Variants in PRKN observed in about 807,000 individuals in gnomAD.
PRKN encodes the protein parkin RBR E3 ubiquitin protein ligase.
PRKN carries 56 observed loss-of-function variants against 59.5 expected under a neutral mutation model. That is an observed-to-expected ratio of 0.94 (90% CI 0.76 to 1.18). PRKN has a LOEUF of 1.18. PRKN is among the 50% of genes most tolerant of loss of function. The pLI is 0.00. For synonymous variants in PRKN, 250 were observed against 222.1 expected, an observed-to-expected ratio of 1.13 and a Z score of -1.12; for missense variants, 657 against 596.4, an observed-to-expected ratio of 1.10 and a Z score of -1.06.
At chr6:162,273,171 G>A (rs1475071279) in intron 2 of PRKN, among the ~76,000 whole-genome samples, 2 of 152,052 alleles carry the variant, frequency 1.3e-5, no homozygotes, top group African/African-American at 4.8e-5. Flanking sequence ...AAAAGTAGCT[G>A]TTTTTGTAAA....
rs1779776724 is a variant in PRKN at position 161,545,852 on chromosome 6, AATAGTCACC to A, written c.1083+2993_1083+3001del. On this transcript the variant is annotated intron_variant, in intron 9 of 11. Coordinates refer to ENST00000366898, the MANE Select transcript of PRKN (RefSeq NM_004562.3). The surrounding 1 kb of genome is among the most constrained non-coding windows in gnomAD (Gnocchi z 4.1). ...GTGCCTGGTACTCAGATCAGACTTG[AATAGTCACC>A]ATGGTTCCTTGTGGAAAAGTCTGTT... Among the ~76,000 whole-genome samples, 1 of 152,238 alleles carries A rather than the reference AATAGTCACC, an allele frequency of 6.6e-6. No homozygotes were observed. Among genetic ancestry groups the A allele is most frequent in the South Asian group, 2.1e-4 (1 of 4,832 alleles).
chr6:161,903,068 C>G (rs1390789301), intron 6 of PRKN, among the ~76,000 whole-genome samples: 1 of 152,182 alleles, frequency 6.6e-6, no homozygotes. Context: ...GGGAACTGTT[C>G]ATCGCTATTG....
Position 161,559,178 on chromosome 6 carries a change from A to G in PRKN, c.934-10175T>C, listed in dbSNP as rs1260143422. Among the ~76,000 whole-genome samples, 10 of 151,336 alleles carry G rather than the reference A, an allele frequency of 6.6e-5. No homozygotes were observed. In the East Asian group the frequency reaches 1.6e-3, roughly 24 times the overall value. On this transcript the variant is annotated intron_variant, in intron 8 of 11. Transcript: ENST00000366898. ...GTGACCCAATGCCAAAAAGCATCTC[A>G]TCTTCTAGTAGTTGTGGAATCTTCT...
rs377723623 is a variant in PRKN, at chr6:162,266,131, T to G, written c.172-3366A>C. ...TTAGCACCCTAGCCTATCTTGAGGT[T>G]TCTATCCACATTTTTTCCCTACCTT... On this transcript the variant is annotated intron_variant, in intron 2 of 11. Coordinates refer to ENST00000366898, the MANE Select transcript of PRKN (RefSeq NM_004562.3). 6.6e-4 allele frequency among the ~76,000 whole-genome samples: 101 copies of G among 152,266 alleles called. 2 individuals carry two copies. The South Asian group carries it at 0.019, about 29-fold the overall frequency.
intron 1 of PRKN, among the ~76,000 whole-genome samples, chr6:162,584,809 TCCC>T (rs1562409064): frequency 1.0e-3 from 5 of 4,806 alleles, no homozygotes; most frequent in South Asian, 0.014. Context: ...TCCCCTCCCC[TCCC>T]CTCCCCTCCC....
At chr6:162,389,827 T>G (rs1311185662) in intron 2 of PRKN, among the ~76,000 whole-genome samples, 1 of 152,096 alleles carries the variant, frequency 6.6e-6, no homozygotes, top group Admixed American at 6.6e-5. Context: ...TAAACAAACT[T>G]CCTAATTTTC....
chr6:162,003,294 G>C (rs1183184768), intron 5 of PRKN, among the ~76,000 whole-genome samples: 1 of 151,814 alleles, frequency 6.6e-6, no homozygotes, highest in African/African-American at 2.4e-5. Context: ...CTCCTGGATG[G>C]CAGCAGGACA....
chr6:162,655,711 A>G (rs1010110171), intron 1 of PRKN, among the ~76,000 whole-genome samples: 2 of 152,158 alleles, frequency 1.3e-5, no homozygotes, highest in Non-Finnish European at 2.9e-5. Flanking sequence ...ATATACAGAA[A>G]ATGAGAGCCA....
At position 162,198,901 on chromosome 6, in the gene PRKN, G is replaced by A. The variant is rs534531306; in HGVS notation, c.534+2230C>T. Among the ~76,000 whole-genome samples, 4 of 152,284 alleles carry A rather than the reference G, an allele frequency of 2.6e-5. No homozygotes were observed. The South Asian group carries it at 8.3e-4, about 32-fold the overall frequency. ...TTTGGCTTGTTATGTTTAGGCCAAT[G>A]CTACAGGTTGGTTTTCTTTCTGTTT... On this transcript the variant is annotated intron_variant, in intron 4 of 11. Coordinates refer to ENST00000366898, the MANE Select transcript of PRKN (RefSeq NM_004562.3).
At chr6:161,703,308 AAAAC>A (rs893846232) in intron 7 of PRKN, among the ~76,000 whole-genome samples, 15 of 152,326 alleles carry the variant, frequency 9.8e-5, no homozygotes, top group African/African-American at 3.6e-4. Flanking sequence ...TAACAAACAA[AAAAC>A]AAACAAAGGA....
At chr6:162,466,079 A>T (rs1791400692) in intron 1 of PRKN, among the ~76,000 whole-genome samples, 1 of 152,210 alleles carries the variant, frequency 6.6e-6, no homozygotes. Context: ...TTTTATGTTT[A>T]TAACAGAAGT....
chr6:161,642,212 A>G (rs1462727939), intron 7 of PRKN, among the ~76,000 whole-genome samples: 1 of 152,222 alleles, frequency 6.6e-6, no homozygotes, highest in Non-Finnish European at 1.5e-5. Context: ...TAGTATTTCC[A>G]TCTATCAGGG....
intron 7 of PRKN, among the ~76,000 whole-genome samples, chr6:161,608,650 A>C (rs535081222): frequency 3.3e-5 from 5 of 151,968 alleles, no homozygotes; most frequent in Admixed American, 1.3e-4. Flanking sequence ...CTCCTGCCTC[A>C]GCCTCCAGCG....
rs182400868 is a variant in PRKN, at chr6:162,618,916, C to A, written c.7+108746G>T. 3.3e-5 allele frequency among the ~76,000 whole-genome samples: 5 copies of A among 152,302 alleles called. No homozygotes were observed. The East Asian group carries it at 9.7e-4, about 29-fold the overall frequency. Reference sequence around the variant, plus strand: ...TCTCTCAGGGCATCAGAGTAAGGAACAGCTGGATGACTCCAACTTCTTAAA... The same window carrying A: ...TCTCTCAGGGCATCAGAGTAAGGAAAAGCTGGATGACTCCAACTTCTTAAA... On this transcript the variant is annotated intron_variant, in intron 1 of 11. Transcript: ENST00000366898.
chr6:161,923,191 C>T (rs1778846191), intron 6 of PRKN, among the ~76,000 whole-genome samples: 1 of 152,184 alleles, frequency 6.6e-6, no homozygotes, highest in African/African-American at 2.4e-5. Context: ...AAAGTAGATT[C>T]TGCAGTTGGG....
At chr6:161,665,460 A>T (rs1784692860) in intron 7 of PRKN, among the ~76,000 whole-genome samples, 1 of 152,148 alleles carries the variant, frequency 6.6e-6, no homozygotes, top group African/African-American at 2.4e-5. Context: ...ATGACAGGAG[A>T]TAATGTCCAA....
intron 1 of PRKN, among the ~76,000 whole-genome samples, chr6:162,556,713 C>G (rs1779617774): frequency 6.9e-6 from 1 of 145,766 alleles, no homozygotes; most frequent in African/African-American, 2.6e-5. Flanking sequence ...CACCACTGCA[C>G]TCCAACCAGG....
intron 1 of PRKN, among the ~76,000 whole-genome samples, chr6:162,516,179 C>T (rs753766541): frequency 1.1e-4 from 16 of 152,188 alleles, no homozygotes; most frequent in Admixed American, 8.5e-4. Context: ...TCATCTTTGA[C>T]GTGTGGTCCC....
rs1779947811 is a variant in PRKN, at chr6:161,550,183, C to G, written c.934-1180G>C. Among the ~76,000 whole-genome samples, 1 of 151,980 alleles carries G rather than the reference C, an allele frequency of 6.6e-6. No homozygotes were observed. The highest frequency in any genetic ancestry group is 2.1e-4 in the South Asian group (1 of 4,820). On this transcript the variant is annotated intron_variant, in intron 8 of 11. Coordinates refer to ENST00000366898, the MANE Select transcript of PRKN (RefSeq NM_004562.3). The surrounding 1 kb of genome is among the most constrained non-coding windows in gnomAD (Gnocchi z 4.0). ...ATGTGGTTGGCTGTTCAGGGTACAA[C>G]AAGGGGGGCAGTGGGGCGGAGGCAG...
Sources: allele counts gnomAD v4.1 joint callset (sites outside exome capture counted in the v4.1 genomes callset), GRCh38; gene constraint gnomAD v4.1.1; non-coding constraint Gnocchi (gnomAD v3.1); transcripts MANE v1.5; gene names NCBI Gene and HGNC (gene_info 2026-07-23, HGNC 2026-07-21).